DUOX2: variants seen among roughly 807,000 people sequenced by gnomAD.
DUOX2 encodes NADH/NADPH thyroid oxidase p138-tox.
Under a neutral mutation model 183.3 loss-of-function variants are expected in DUOX2, and 185 were observed. The ratio of observed to expected loss-of-function variants is 1.01; its 90% CI spans 0.90 to 1.14. DUOX2 has a LOEUF of 1.14. DUOX2 is among the 50% of genes most tolerant of loss of function. DUOX2 has a pLI of 0.00. For synonymous variants in DUOX2, 788 were observed against 812.4 expected (o/e 0.97, Z 0.51); for missense variants, 1,999 against 2,022.9 (o/e 0.99, Z 0.23).
intron 31 of DUOX2, 47 bp downstream of exon 31, chr15:45,095,390 A>C (rs777904484): frequency 6.2e-7 from 1 of 1,612,978 alleles, no homozygotes; most frequent in Non-Finnish European, 8.5e-7. Flanking sequence ...GCGGGTCACA[A>C]TTCGGCCACC....
At position 45,105,643 on chromosome 15, in the gene DUOX2, C is replaced by G; in HGVS notation, c.2334G>C (p.Gln778His). 1.9e-6 allele frequency: 3 copies of G among 1,614,146 alleles called. No individual in the cohort carries two copies. Among genetic ancestry groups the G allele is most frequent in the Non-Finnish European group, 1.7e-6 (2 of 1,180,002 alleles). ...LEIFFRHLFAQVLDINQADAG... is the reference protein window; with the variant it reads ...LEIFFRHLFAHVLDINQADAG... ...CTCCAAAAGGCACAGGTCATGGCAC[C>G]TGAGCAAAAAGGTGTCTGAAGAAGA... Residue 778 changes from glutamine (Q) to histidine (H), a missense_variant and splice_region_variant, in exon 18 of 34, where the codon CAG (glutamine) becomes CAC (histidine). By Grantham distance (24) the Gln-to-His change is conservative. This residue lies in a region of DUOX2 where 1,628 missense variants were observed against 1,608.6 expected (regional missense o/e 1.01). Coordinates refer to ENST00000389039, the MANE Select transcript of DUOX2 (RefSeq NM_001363711.2).
chr15:45,092,755 A>G lies in DUOX2; in HGVS notation c.*1395T>C, dbSNP rs1240090047. 1 of 152,236 alleles carries G rather than the reference A, an allele frequency of 6.6e-6. No homozygotes were observed. The highest frequency in any genetic ancestry group is 2.4e-5 in the African/African-American group (1 of 41,458). 9.4% of individuals were successfully genotyped at this position (152,236 alleles called of 1,614,324 possible). On this transcript the variant is annotated 3_prime_UTR_variant, in exon 34 of 34. Transcript: ENST00000389039. ...TAAACAAACTGTGGTACATCTCTAC[A>G]ATAGAATACTACTCAGCAATGAAAA...
chr15:45,093,819 G>A lies in DUOX2; in HGVS notation c.*331C>T. ...CCACGCCTGCCATGGCTTGAGCTGG[G>A]GTGAGGAGTGGTCTTTATCTTCTTT... On this transcript the variant is annotated 3_prime_UTR_variant, in exon 34 of 34. Coordinates refer to ENST00000389039, the MANE Select transcript of DUOX2 (RefSeq NM_001363711.2). The A allele has an allele frequency of 2.8e-6, 1 of 357,922 alleles. No individual in the cohort carries two copies. Among genetic ancestry groups the A allele is most frequent in the South Asian group, 2.5e-5 (1 of 39,300 alleles). 22.2% of individuals were successfully genotyped at this position (357,922 alleles called of 1,614,324 possible).
chr15:45,106,346 G>A lies in DUOX2; in HGVS notation c.1946-19C>T. 1 of 1,613,392 alleles carries A rather than the reference G, an allele frequency of 6.2e-7. No homozygotes were observed. Among genetic ancestry groups the A allele is most frequent in the Non-Finnish European group, 8.5e-7 (1 of 1,179,936 alleles). ...TCCATCGCTGGGGAAGGGATAATTG[G>A]GCCGGGTAGTTCAGCAGATGTCCCC... On this transcript the variant is annotated intron_variant, in intron 16 of 33. Coordinates refer to ENST00000389039, the MANE Select transcript of DUOX2 (RefSeq NM_001363711.2).
chr15:45,101,219 C>G lies in DUOX2; in HGVS notation c.2907G>C (p.Arg969=), dbSNP rs759739622. ...TTCCTGCTCACCGCTCCCCAGGTGT[C>G]CGAGTGATGAACGAGACTCGACAGC... ...NISCRVSFIT[R]TPGERSHPQG... Residue 969 remains arginine (R), a synonymous_variant, in exon 22 of 34, where the codon CGG becomes CGC. Transcript: ENST00000389039. The G allele has an allele frequency of 1.9e-6, 3 of 1,613,744 alleles. No individual in the cohort carries two copies. Among genetic ancestry groups the G allele is most frequent in the South Asian group, 2.2e-5 (2 of 90,980 alleles).
chr15:45,108,842 C>A lies in DUOX2; in HGVS notation c.1345G>T (p.Gly449Trp), dbSNP rs1269915619. ...CTCCAGTTCCTTGGGATGTCCAGCCCAAAGGCCAGCAGGGCCTGGCTATAG... is the reference window on the plus strand; with the variant it reads ...CTCCAGTTCCTTGGGATGTCCAGCCAAAAGGCCAGCAGGGCCTGGCTATAG... ...PSYSQALLAF[G>W]LDIPRNWSDL... The change falls in exon 12 of 34, where the codon GGG (glycine) becomes TGG (tryptophan). Residue 449 changes from glycine (G) to tryptophan (W), a missense_variant. Gly to Trp is a radical substitution (Grantham distance 184). This residue lies in a region of DUOX2 where 1,628 missense variants were observed against 1,608.6 expected (regional missense o/e 1.01). Transcript: ENST00000389039. 1.9e-6 allele frequency: 3 copies of A among 1,614,240 alleles called. No homozygotes were observed. In the South Asian group the frequency reaches 3.3e-5, roughly 18 times the overall value.
chr15:45,093,228 G>A lies in DUOX2; in HGVS notation c.*922C>T, dbSNP rs1232789940. 1.3e-5 allele frequency: 2 copies of A among 152,232 alleles called. No homozygotes were observed. The highest frequency in any genetic ancestry group is 3.8e-4 in the East Asian group (2 of 5,198). 9.4% of individuals were successfully genotyped at this position (152,232 alleles called of 1,614,324 possible). ...GCAAGAGACTTTCAGTGCTAAAACA[G>A]GGAGAGTCCTGGGCAAACTAGGACA... On this transcript the variant is annotated 3_prime_UTR_variant, in exon 34 of 34. Transcript: ENST00000389039.
Position 45,097,312 on chromosome 15 carries a change from C to T in DUOX2, c.3773G>A (p.Gly1258Glu). The T allele has an allele frequency of 6.2e-7, 1 of 1,614,258 alleles. No individual in the cohort carries two copies. Among genetic ancestry groups the T allele is most frequent in the South Asian group, 1.1e-5 (1 of 91,084 alleles). Residue 1258 changes from glycine to glutamate, a missense_variant, in exon 29 of 34, where the codon GGA becomes GAA. Around this residue, in one of 3 missense-constraint regions of DUOX2, gnomAD observed 1,628 missense variants for 1,608.6 expected, o/e 1.01. Transcript: ENST00000389039. ...GCTCAGGCTCACCAGCTTGTCACCT[C>T]CATAGATGATTGCCGGGACCAGGAA... ...IYFLVPAIIYGGDKLVSLSRK... is the reference protein window; with the variant it reads ...IYFLVPAIIYEGDKLVSLSRK...
At chr15:45,110,604 C>T in intron 8 of DUOX2, 46 bp downstream of exon 8, 5 of 1,613,692 alleles carry the variant, frequency 3.1e-6, no homozygotes, top group Non-Finnish European at 4.2e-6. Flanking sequence ...TGTCTCCTTC[C>T]CCTCAGGATT....
At chr15:45,102,113 A>G in intron 20 of DUOX2, 124 bp from the exon 21 acceptor site, 4 of 1,259,214 alleles carry the variant, frequency 3.2e-6, no homozygotes, top group South Asian at 2.6e-5. Flanking sequence ...TGGCACTGAG[A>G]AGGTGCTCAT....
intron 14 of DUOX2, 103 bp from the exon 15 acceptor site, chr15:45,107,072 C>G: frequency 1.3e-6 from 2 of 1,502,006 alleles, no homozygotes; most frequent in Non-Finnish European, 1.8e-6. Context: ...CATCTGTCTT[C>G]CCCAGGCCCA....
intron 17 of DUOX2, 31 bp downstream of exon 17, chr15:45,106,094 G>T: frequency 6.2e-7 from 1 of 1,612,626 alleles, no homozygotes; most frequent in Non-Finnish European, 8.5e-7. Flanking sequence ...TGTGAGGGCA[G>T]CCCAGGCTGG....
In DUOX2 at chr15:45,101,591, A is replaced by C. The variant is rs555833432; in HGVS notation, c.2851+202T>G. The C allele has an allele frequency of 9.8e-5, 66 of 673,652 alleles. No individual in the cohort carries two copies. In the African/African-American group the frequency reaches 1.1e-3, roughly 11 times the overall value. 41.7% of individuals were successfully genotyped at this position (673,652 alleles called of 1,614,324 possible). On this transcript the variant is annotated intron_variant, in intron 21 of 33. Transcript: ENST00000389039. Reference sequence around the variant, plus strand: ...TGAGCAGTGTGTAGGATAGATTTCAACCTGCTCCTTGACCTCAGTGGGTAT... The same window carrying C: ...TGAGCAGTGTGTAGGATAGATTTCACCCTGCTCCTTGACCTCAGTGGGTAT...
In DUOX2 at chr15:45,095,842, C is replaced by T; in HGVS notation, c.4066G>A (p.Ala1356Thr). ...GTGACGGGCACCTTTGGGTATCCAG[C>T]ACAGCCATTGCCCTTTGGGGATGAG... ...IYSSPKGNGCAGYPKLYLDGP... is the reference protein window; with the variant it reads ...IYSSPKGNGCTGYPKLYLDGP... Residue 1356 changes from alanine (A) to threonine (T), a missense_variant, in exon 30 of 34, where the codon GCT (alanine) becomes ACT (threonine). By Grantham distance (58) the Ala-to-Thr change is moderately conservative (BLOSUM62 0). Coordinates refer to ENST00000389039, the MANE Select transcript of DUOX2 (RefSeq NM_001363711.2). The T allele has an allele frequency of 6.2e-7, 1 of 1,614,136 alleles. No individual in the cohort carries two copies. Among genetic ancestry groups the T allele is most frequent in the Non-Finnish European group, 8.5e-7 (1 of 1,180,006 alleles).
Position 45,109,299 on chromosome 15 carries a change from A to C in DUOX2, c.1234+225T>G, listed in dbSNP as rs1416938573. ...AGAGATTGTGGTACCACCCCTCCCC[A>C]ATACTCAGACATAGTTAATTTAAAA... On this transcript the variant is annotated intron_variant, in intron 11 of 33. Coordinates refer to ENST00000389039, the MANE Select transcript of DUOX2 (RefSeq NM_001363711.2). 3 of 605,530 alleles carry C rather than the reference A, an allele frequency of 5.0e-6. No homozygotes were observed. The Admixed American group carries it at 8.8e-5, about 18-fold the overall frequency. The allele number at this position is 605,530 out of a possible 1,614,324, so 37.5% of individuals were successfully genotyped here.
intron 22 of DUOX2, 74 bp downstream of exon 22, chr15:45,101,131 G>A (rs1475651678): frequency 2.2e-6 from 3 of 1,372,200 alleles, no homozygotes; most frequent in Non-Finnish European, 1.0e-6. Context: ...GGGCTGATCA[G>A]CCAGTCCTAC....
At chr15:45,101,357 G>C in intron 21 of DUOX2, 83 bp from the exon 22 acceptor site, 1 of 1,217,312 alleles carries the variant, frequency 8.2e-7, no homozygotes. Flanking sequence ...CCTCCCTTCT[G>C]GGAAAGTCAT....
chr15:45,108,404 C>A, intron 12 of DUOX2, 182 bp from the exon 13 acceptor site: 1 of 722,948 alleles, frequency 1.4e-6, no homozygotes, highest in Admixed American at 2.4e-5. Context: ...TGTGTCCCTA[C>A]CCACGGTAAC....
intron 33 of DUOX2, 145 bp downstream of exon 33, chr15:45,094,418 G>T: frequency 6.6e-7 from 1 of 1,515,496 alleles, no homozygotes; most frequent in South Asian, 1.2e-5. Context: ...GGGGGTGGAA[G>T]TCCCCCTTTA....
Sources: allele counts gnomAD v4.1 joint callset, GRCh38; gene constraint gnomAD v4.1.1; regional missense constraint gnomAD v4.1.1; transcripts MANE v1.5; gene names NCBI Gene and HGNC (gene_info 2026-07-23, HGNC 2026-07-21).